The following HSD17B12 variants were observed in gnomAD, a reference collection of about 807,000 sequenced individuals.
HSD17B12 encodes the protein very-long-chain 3-oxoacyl-CoA reductase.
HSD17B12 carries 32 observed loss-of-function variants against 39.3 expected under a neutral mutation model. That is an observed-to-expected ratio of 0.81 (90% CI 0.61 to 1.09). HSD17B12 has a LOEUF of 1.09. Ranked by LOEUF, HSD17B12 falls within the 50% of genes least tolerant of loss-of-function variation. The probability of loss-of-function intolerance (pLI) is 0.00; values close to 1 mark genes in which losing one functional copy is unlikely to be tolerated. For missense variants in HSD17B12, 342 were observed against 382.9 expected, an observed-to-expected ratio of 0.89 and a Z score of 0.89; for synonymous variants, 150 against 146.7, an observed-to-expected ratio of 1.02 and a Z score of -0.16.
rs779769648 is a variant in HSD17B12 at position 43,798,340 on chromosome 11, A to C, written c.304A>C (p.Thr102Pro). The C allele has an allele frequency of 1.2e-5, 19 of 1,610,642 alleles. No homozygotes were observed. Among genetic ancestry groups the C allele is most frequent in the Non-Finnish European group, 1.4e-5 (17 of 1,177,734 alleles). The change falls in exon 4 of 11, where the codon ACA (threonine) becomes CCA (proline). Residue 102 changes from threonine to proline, a missense_variant. Physicochemically the swap from Thr to Pro is conservative, Grantham distance 38 (BLOSUM62 -1). Coordinates refer to ENST00000278353, the MANE Select transcript of HSD17B12 (RefSeq NM_016142.3). ...CCTAGAAGAAAAATTCAAAGTGGAG[A>C]CAAGAACCATTGCTGTTGACTTTGC... ...SEIKEKFKVE[T>P]RTIAVDFASE... is the part of the protein sequence containing the mutation.
intron 4 of HSD17B12, among the ~76,000 whole-genome samples, chr11:43,805,352 TTTAG>T (rs1951008048): frequency 6.6e-6 from 1 of 152,174 alleles, no homozygotes; most frequent in South Asian, 2.1e-4. Flanking sequence ...AGTTGGCTAT[TTTAG>T]TTAGTGAAAG....
At chr11:43,782,919 C>T (rs1950780363) in intron 3 of HSD17B12, among the ~76,000 whole-genome samples, 1 of 152,228 alleles carries the variant, frequency 6.6e-6, no homozygotes, top group African/African-American at 2.4e-5. Context: ...AAATGATGTG[C>T]CACCTGATGG....
intron 4 of HSD17B12, among the ~76,000 whole-genome samples, chr11:43,806,726 G>A (rs1951021828): frequency 6.6e-6 from 1 of 152,064 alleles, no homozygotes. Flanking sequence ...TTTATTAATG[G>A]GTACAAATGT....
At chr11:43,598,308 C>T in the HSD17B12 span, among the ~76,000 whole-genome samples, 3 of 152,082 alleles carry the variant, frequency 2.0e-5, no homozygotes, top group Non-Finnish European at 2.9e-5. Context: ...ATCATCTTGC[C>T]CCAGGTGTGT....
At chr11:43,695,264 G>A (rs552304729) in intron 1 of HSD17B12, among the ~76,000 whole-genome samples, 3 of 152,124 alleles carry the variant, frequency 2.0e-5, no homozygotes, top group African/African-American at 4.8e-5. Flanking sequence ...CACCGTGTCC[G>A]GCCCAGATGG....
chr11:43,776,875 A>G (rs917708922), intron 3 of HSD17B12, among the ~76,000 whole-genome samples: 17 of 152,046 alleles, frequency 1.1e-4, no homozygotes, highest in Middle Eastern at 3.4e-3. Flanking sequence ...CCTTTCCCCA[A>G]TGCTTGTTTT....
chr11:43,594,888 T>G, the HSD17B12 span, among the ~76,000 whole-genome samples: 3 of 152,030 alleles, frequency 2.0e-5, no homozygotes, highest in Non-Finnish European at 4.4e-5. Flanking sequence ...CATTTCTTTT[T>G]CCTGCAGAGC....
chr11:43,654,605 T>C, the HSD17B12 span, among the ~76,000 whole-genome samples: 1 of 152,180 alleles, frequency 6.6e-6, no homozygotes, highest in African/African-American at 2.4e-5. Context: ...GTTTCAGCTT[T>C]CTACATATGG....
chr11:43,808,542 A>G (rs1165961634), intron 4 of HSD17B12, among the ~76,000 whole-genome samples: 2 of 152,232 alleles, frequency 1.3e-5, no homozygotes, highest in Non-Finnish European at 2.9e-5. Context: ...ACTGTAAGTC[A>G]TGAAATTGGT....
the HSD17B12 span, among the ~76,000 whole-genome samples, chr11:43,665,553 T>G: frequency 6.6e-6 from 1 of 151,964 alleles, no homozygotes. Flanking sequence ...ATGAAGCAAA[T>G]AATCCATTGA....
chr11:43,703,225 C>T (rs568447953), intron 1 of HSD17B12, among the ~76,000 whole-genome samples: 13 of 152,156 alleles, frequency 8.5e-5, no homozygotes, highest in Middle Eastern at 3.4e-3. Flanking sequence ...GACGGAGTCT[C>T]GCTCTGTCAC....
the HSD17B12 span, among the ~76,000 whole-genome samples, chr11:43,599,659 T>G: frequency 6.6e-6 from 1 of 152,208 alleles, no homozygotes. Context: ...AAAAATCACT[T>G]CCTTGTTTTC....
chr11:43,801,595 GAT>G (rs55674379), intron 4 of HSD17B12, among the ~76,000 whole-genome samples: 3,968 of 71,930 alleles, frequency 0.055, 68 homozygotes, highest in Middle Eastern at 0.078. Flanking sequence ...GATAGTTGGA[GAT>G]ATATATATAT....
rs1951114629 is a variant in HSD17B12 at position 43,815,571 on chromosome 11, A to G, written c.456+70A>G. ...AGGTATTGGTATAATGATTCACACT[A>G]TGACACTGGAGTCCAGCTGCCTGTG... On this transcript the variant is annotated intron_variant, in intron 5 of 10. Coordinates refer to ENST00000278353, the MANE Select transcript of HSD17B12 (RefSeq NM_016142.3). 1.8e-5 allele frequency: 17 copies of G among 930,944 alleles called. No individual in the cohort carries two copies. In the South Asian group the frequency reaches 2.8e-4, roughly 15 times the overall value. The allele number at this position is 930,944 out of a possible 1,614,324, so 57.7% of individuals were successfully genotyped here. A position where few individuals can be genotyped will look rare whatever the true frequency, so the allele number is the denominator to read the frequency against.
chr11:43,804,528 G>A (rs1246895469), intron 4 of HSD17B12, among the ~76,000 whole-genome samples: 1 of 152,128 alleles, frequency 6.6e-6, no homozygotes, highest in Non-Finnish European at 1.5e-5. Context: ...TTCTTCCTGT[G>A]CCCTTTATAA....
the HSD17B12 span, among the ~76,000 whole-genome samples, chr11:43,607,602 A>G: frequency 0.043 from 6,547 of 152,300 alleles, 192 homozygotes; most frequent in Non-Finnish European, 0.062. Flanking sequence ...GGTAGGAACT[A>G]ATAATATACC....
At chr11:43,667,443 C>T in the HSD17B12 span, among the ~76,000 whole-genome samples, 71 of 152,160 alleles carry the variant, frequency 4.7e-4, 1 homozygote, top group Non-Finnish European at 9.7e-4. Context: ...CCGCACCTAG[C>T]CTGAGTTTAT....
the HSD17B12 span, among the ~76,000 whole-genome samples, chr11:43,609,556 T>TG: frequency 4.0e-5 from 6 of 151,588 alleles, no homozygotes; most frequent in Admixed American, 2.6e-4. Flanking sequence ...AGAGATGGGG[T>TG]GGGGGGTCTT....
At chr11:43,681,947 C>T (rs141067118) in intron 1 of HSD17B12, among the ~76,000 whole-genome samples, 1 of 151,434 alleles carries the variant, frequency 6.6e-6, no homozygotes, top group African/African-American at 2.4e-5. Context: ...GTGGTCCTAC[C>T]CTGAGATGAT....
Sources: allele counts gnomAD v4.1 joint callset (sites outside exome capture counted in the v4.1 genomes callset), GRCh38; gene constraint gnomAD v4.1.1; transcripts MANE v1.5; gene names NCBI Gene and HGNC (gene_info 2026-07-23, HGNC 2026-07-21).